The following CD247 variants were observed in gnomAD, a reference collection of about 807,000 sequenced individuals.
CD247 encodes the protein T-cell surface glycoprotein CD3 zeta chain.
Under a neutral mutation model 30.0 loss-of-function variants are expected in CD247, and 13 were observed. The observed-to-expected ratio is 0.43, with a 90% CI of 0.28 to 0.69. CD247 has a LOEUF of 0.69. CD247 is among the 30% of genes least tolerant of loss of function. The pLI, the probability that CD247 is intolerant of heterozygous loss-of-function variation, is 0.16. For missense variants in CD247, 193 were observed against 212.6 expected (o/e 0.91, Z 0.57); for synonymous variants, 72 against 80.0 (o/e 0.90, Z 0.53).
At chr1:167,441,288 C>T (rs886964420) in intron 1 of CD247, among the ~76,000 whole-genome samples, 2 of 152,198 alleles carry the variant, frequency 1.3e-5, no homozygotes, top group African/African-American at 4.8e-5. Context: ...AACTCTCCCC[C>T]AACTCCCTGC....
At chr1:167,441,873 G>A (rs1651847452) in intron 1 of CD247, among the ~76,000 whole-genome samples, 1 of 152,248 alleles carries the variant, frequency 6.6e-6, no homozygotes, top group African/African-American at 2.4e-5. Flanking sequence ...CACTTTGGGA[G>A]GCTGACATGG....
chr1:167,431,169 C>G lies in CD247; in HGVS notation c.*512G>C, dbSNP rs370056826. On this transcript the variant is annotated 3_prime_UTR_variant, in exon 8 of 8. Coordinates refer to ENST00000362089, the MANE Select transcript of CD247 (RefSeq NM_198053.3). ...GCACCTGGCCTAGGCTCCTTTCCATCTGCCCCTCTGCCCGGCCCTCTCACC... is the reference window on the plus strand; with the variant it reads ...GCACCTGGCCTAGGCTCCTTTCCATGTGCCCCTCTGCCCGGCCCTCTCACC... 1.9e-5 allele frequency: 8 copies of G among 425,162 alleles called. No homozygotes were observed. Among genetic ancestry groups the G allele is most frequent in the Non-Finnish European group, 3.3e-5 (8 of 240,730 alleles). 26.3% of individuals were successfully genotyped at this position (425,162 alleles called of 1,614,324 possible). A position where few individuals can be genotyped will look rare whatever the true frequency, so the allele number is the denominator to read the frequency against.
intron 1 of CD247, among the ~76,000 whole-genome samples, chr1:167,453,335 T>G (rs1048070013): frequency 6.6e-6 from 1 of 152,188 alleles, no homozygotes; most frequent in Non-Finnish European, 1.5e-5. Flanking sequence ...AAACAGCTCA[T>G]GTGTCAGAGC....
intron 1 of CD247, among the ~76,000 whole-genome samples, chr1:167,453,091 G>A (rs1015084303): frequency 2.5e-4 from 38 of 150,278 alleles, no homozygotes; most frequent in African/African-American, 9.2e-4. Flanking sequence ...CTTACCTCTT[G>A]TTGCCAACTT....
At chr1:167,509,519 G>C (rs184918350) in intron 1 of CD247, among the ~76,000 whole-genome samples, 2 of 152,156 alleles carry the variant, frequency 1.3e-5, no homozygotes, top group African/African-American at 4.8e-5. Context: ...ATGCGTGTTT[G>C]CCTATTTTAG....
At position 167,504,836 on chromosome 1, in the gene CD247, T is replaced by C. The variant is rs150982202; in HGVS notation, c.58+13572A>G. ...CTAAAACCTAGCGATCAATCTTGCCTACCTTTTGGGATCTCATCCGTTGGT... is the reference window on the plus strand; with the variant it reads ...CTAAAACCTAGCGATCAATCTTGCCCACCTTTTGGGATCTCATCCGTTGGT... On this transcript the variant is annotated intron_variant, in intron 1 of 7. Transcript: ENST00000362089. Among the ~76,000 whole-genome samples, 773 of 152,342 alleles carry C rather than the reference T, an allele frequency of 5.1e-3. 5 individuals are homozygous for C. Among genetic ancestry groups the C allele is most frequent in the Middle Eastern group, 0.024 (7 of 294 alleles).
At position 167,434,768 on chromosome 1, in the gene CD247, C is replaced by T. The variant is rs550954640; in HGVS notation, c.336+631G>A. 372 of 454,820 alleles carry T rather than the reference C, an allele frequency of 8.2e-4. 2 individuals carry two copies. The highest frequency in any genetic ancestry group is 5.5e-3 in the South Asian group (356 of 64,472). The allele number at this position is 454,820 out of a possible 1,614,324, so 28.2% of individuals were successfully genotyped here. A position where few individuals can be genotyped will look rare whatever the true frequency, so the allele number is the denominator to read the frequency against. ...GTTTGGGGAGGGAAGGGAGATTACT[C>T]GGCACTTTTCAGCTAAGGAGACTTT... On this transcript the variant is annotated intron_variant, in intron 5 of 7. Transcript: ENST00000362089.
At chr1:167,453,958 T>C (rs367868377) in intron 1 of CD247, among the ~76,000 whole-genome samples, 21 of 152,184 alleles carry the variant, frequency 1.4e-4, no homozygotes, top group African/African-American at 4.8e-4. Context: ...AGTTAGACCC[T>C]GCCTCAAAAA....
At chr1:167,463,623 A>G (rs1214296584) in intron 1 of CD247, among the ~76,000 whole-genome samples, 1 of 152,202 alleles carries the variant, frequency 6.6e-6, no homozygotes, top group Non-Finnish European at 1.5e-5. Context: ...CTTGAACTGA[A>G]CTGTGCTAAT....
intron 1 of CD247, among the ~76,000 whole-genome samples, chr1:167,460,196 G>A (rs1452322108): frequency 1.3e-5 from 2 of 152,034 alleles, no homozygotes; most frequent in Non-Finnish European, 2.9e-5. Context: ...GAGCCCAGGG[G>A]TTTGAGACTA....
chr1:167,497,036 GT>G (rs1558027335), intron 1 of CD247, among the ~76,000 whole-genome samples: 2 of 152,204 alleles, frequency 1.3e-5, no homozygotes, highest in African/African-American at 4.8e-5. Flanking sequence ...GCACAGGAAT[GT>G]CCACAGTGAC....
At chr1:167,517,479 T>C (rs745817162) in intron 1 of CD247, among the ~76,000 whole-genome samples, 1 of 152,230 alleles carries the variant, frequency 6.6e-6, no homozygotes, top group Non-Finnish European at 1.5e-5. Flanking sequence ...CTGTCCTCTT[T>C]TCACTGGTTT....
chr1:167,515,874 T>C (rs1347231666), intron 1 of CD247, among the ~76,000 whole-genome samples: 1 of 152,236 alleles, frequency 6.6e-6, no homozygotes, highest in Non-Finnish European at 1.5e-5. Context: ...TAATAGTAAA[T>C]ACAATGTTTA....
chr1:167,510,554 C>G (rs537470528), intron 1 of CD247, among the ~76,000 whole-genome samples: 60 of 152,334 alleles, frequency 3.9e-4, no homozygotes, highest in African/African-American at 1.4e-3. Context: ...GTTGCAACCT[C>G]TACCCCCTCC....
intron 1 of CD247, among the ~76,000 whole-genome samples, chr1:167,462,932 G>T (rs1653087381): frequency 6.6e-6 from 1 of 151,946 alleles, no homozygotes; most frequent in African/African-American, 2.4e-5. Flanking sequence ...CATCATCTGT[G>T]CTTGCTCTTC....
intron 1 of CD247, among the ~76,000 whole-genome samples, chr1:167,456,356 G>A (rs1454172704): frequency 7.9e-5 from 12 of 152,198 alleles, no homozygotes; most frequent in African/African-American, 2.9e-4. Flanking sequence ...CACTGATAGA[G>A]CTTTTTCCTG....
At chr1:167,504,287 C>A (rs1303311135) in intron 1 of CD247, among the ~76,000 whole-genome samples, 2 of 152,336 alleles carry the variant, frequency 1.3e-5, no homozygotes, top group South Asian at 4.1e-4. Flanking sequence ...ACAGTTACCA[C>A]CCCTCTATCA....
At chr1:167,449,916 C>G (rs1019589927) in intron 1 of CD247, among the ~76,000 whole-genome samples, 1 of 150,538 alleles carries the variant, frequency 6.6e-6, no homozygotes, top group African/African-American at 2.5e-5. Context: ...AAGTGAGACT[C>G]TGTCTCAAAA....
At chr1:167,435,549 C>T in intron 4 of CD247, 115 bp from the exon 5 acceptor site, 1 of 830,402 alleles carries the variant, frequency 1.2e-6, no homozygotes, top group Non-Finnish European at 2.1e-6. Context: ...CTGCCGTCTG[C>T]CTCTCTCCTC....
Sources: allele counts gnomAD v4.1 joint callset (sites outside exome capture counted in the v4.1 genomes callset), GRCh38; gene constraint gnomAD v4.1.1; transcripts MANE v1.5; gene names NCBI Gene and HGNC (gene_info 2026-07-23, HGNC 2026-07-21).